CHN2: variants seen among roughly 807,000 people sequenced by gnomAD.
CHN2 encodes beta-chimaerin.
Under a neutral mutation model 56.3 loss-of-function variants are expected in CHN2, and 35 were observed. That is an observed-to-expected ratio of 0.62 (90% CI 0.47 to 0.82). The LOEUF is 0.82. Ranked by LOEUF, CHN2 falls within the 40% of genes least tolerant of loss-of-function variation. The probability of loss-of-function intolerance (pLI) is 0.00; values close to 1 mark genes in which losing one functional copy is unlikely to be tolerated. For synonymous variants in CHN2, 210 were observed against 212.8 expected (o/e 0.99, Z 0.12); for missense variants, 491 against 580.5 (o/e 0.85, Z 1.58).
chr7:29,151,022 T>C (rs1004814892), intron 2 of CHN2, among the ~76,000 whole-genome samples: 12 of 152,306 alleles, frequency 7.9e-5, no homozygotes, highest in African/African-American at 2.9e-4. Flanking sequence ...GCTATAAGCA[T>C]TGAAGGCTTC....
chr7:29,266,042 C>T (rs1039718935), intron 1 of CHN2, among the ~76,000 whole-genome samples: 1 of 152,114 alleles, frequency 6.6e-6, no homozygotes, highest in African/African-American at 2.4e-5. Flanking sequence ...AAAGATCCAA[C>T]TTAGATATTA....
At chr7:29,423,443 C>T (rs187390871) in intron 6 of CHN2, among the ~76,000 whole-genome samples, 53 of 152,322 alleles carry the variant, frequency 3.5e-4, no homozygotes, top group African/African-American at 1.3e-3. Flanking sequence ...GAAGGACCAG[C>T]CACACTTCAG....
intron 2 of CHN2, among the ~76,000 whole-genome samples, chr7:29,175,523 TAC>T (rs1797192217): frequency 6.6e-6 from 1 of 152,104 alleles, no homozygotes; most frequent in Non-Finnish European, 1.5e-5. Context: ...TTGGCTCTCA[TAC>T]TCTCTTGCCT....
At chr7:29,434,852 A>C (rs1191301663) in intron 6 of CHN2, among the ~76,000 whole-genome samples, 2 of 152,154 alleles carry the variant, frequency 1.3e-5, no homozygotes, top group Non-Finnish European at 2.9e-5. Context: ...AGCAATTTGG[A>C]AGGCCAGGGC....
At chr7:29,488,516 A>C (rs560269924) in intron 7 of CHN2, among the ~76,000 whole-genome samples, 1 of 152,084 alleles carries the variant, frequency 6.6e-6, no homozygotes, top group African/African-American at 2.4e-5. Context: ...TTCTGTGAAC[A>C]TAAAGTAGCT....
chr7:29,428,294 T>C (rs6462138), intron 6 of CHN2, among the ~76,000 whole-genome samples: 29,712 of 152,166 alleles, frequency 0.2, 3,477 homozygotes, highest in African/African-American at 0.32. Flanking sequence ...TGCCAGATGC[T>C]ATAACACATA....
At chr7:29,212,326 A>G in intron 1 of CHN2, 1 of 1,391,480 alleles carries the variant, frequency 7.2e-7, no homozygotes, top group Non-Finnish European at 1.0e-6. Flanking sequence ...GCTTGTCTGC[A>G]AAGCTTGCCT....
chr7:29,312,381 A>G (rs1794665233), intron 1 of CHN2, among the ~76,000 whole-genome samples: 1 of 152,038 alleles, frequency 6.6e-6, no homozygotes, highest in Non-Finnish European at 1.5e-5. Context: ...GTTGATCAAA[A>G]CTCATCAAGC....
chr7:29,224,108 T>A (rs1786010615), intron 1 of CHN2, among the ~76,000 whole-genome samples: 1 of 152,158 alleles, frequency 6.6e-6, no homozygotes, highest in Non-Finnish European at 1.5e-5. Context: ...CGGGAAGGAC[T>A]GTCACAGCTG....
chr7:29,246,431 A>G (rs952257285), intron 1 of CHN2, among the ~76,000 whole-genome samples: 1 of 152,102 alleles, frequency 6.6e-6, no homozygotes, highest in African/African-American at 2.4e-5. Flanking sequence ...CCTTGTTTCC[A>G]AGGAGTGAAG....
intron 6 of CHN2, among the ~76,000 whole-genome samples, chr7:29,419,112 AG>A (rs34816148): frequency 0.33 from 50,257 of 151,974 alleles, 9,703 homozygotes; most frequent in East Asian, 0.63. Context: ...CTGTGTATAA[AG>A]TTTCTAGCAA....
At chr7:29,472,272 T>TACACACAC (rs113034467) in intron 6 of CHN2, among the ~76,000 whole-genome samples, 1,495 of 112,302 alleles carry the variant, frequency 0.013, 25 homozygotes, top group African/African-American at 0.034. Context: ...CAAAACAAAA[T>TACACACAC]ACACACACAC....
At chr7:29,458,377 GCACA>G (rs58364010) in intron 6 of CHN2, among the ~76,000 whole-genome samples, 4,500 of 135,846 alleles carry the variant, frequency 0.033, 84 homozygotes, top group South Asian at 0.067. Context: ...GCATAGCTGT[GCACA>G]CACACACACA....
chr7:29,448,822 A>C (rs1358769741), intron 6 of CHN2, among the ~76,000 whole-genome samples: 1 of 152,116 alleles, frequency 6.6e-6, no homozygotes, highest in Non-Finnish European at 1.5e-5. Flanking sequence ...CCCCCACCTT[A>C]GCAGTTATTG....
intron 1 of CHN2, chr7:29,335,654 T>G (rs1796554607): frequency 6.6e-6 from 1 of 152,252 alleles, no homozygotes; most frequent in South Asian, 2.1e-4. Flanking sequence ...CTGCAAATCC[T>G]GGCGAGGAAG....
intron 6 of CHN2, among the ~76,000 whole-genome samples, chr7:29,441,573 T>C (rs1247435374): frequency 1.3e-5 from 2 of 152,220 alleles, no homozygotes; most frequent in Non-Finnish European, 2.9e-5. Context: ...GATAAGGCTG[T>C]TATATTTCAA....
At chr7:29,356,318 CCACA>C (rs139580240) in intron 2 of CHN2, among the ~76,000 whole-genome samples, 1 of 151,748 alleles carries the variant, frequency 6.6e-6, no homozygotes, top group Non-Finnish European at 1.5e-5. Flanking sequence ...ATACACACAG[CCACA>C]CACACACATA....
chr7:29,506,019 C>T (rs1169307512), intron 10 of CHN2, among the ~76,000 whole-genome samples: 1 of 152,088 alleles, frequency 6.6e-6, no homozygotes, highest in Non-Finnish European at 1.5e-5. Context: ...TCTTTTAATT[C>T]TTTATGCAAA....
At chr7:29,409,894 A>G (rs1803041742) in intron 6 of CHN2, among the ~76,000 whole-genome samples, 1 of 152,176 alleles carries the variant, frequency 6.6e-6, no homozygotes, top group Non-Finnish European at 1.5e-5. Flanking sequence ...CACCACTTTT[A>G]TCACCTTTGA....
Sources: gnomAD v4.1 joint callset for allele counts (sites outside exome capture counted in the v4.1 genomes callset) on GRCh38, gnomAD v4.1.1 for gene constraint, MANE v1.5 for transcripts, NCBI Gene and HGNC (gene_info 2026-07-23, HGNC 2026-07-21) for gene names.